The following ZFP64 variants were observed in gnomAD, a reference collection of about 807,000 sequenced individuals.
ZFP64 encodes the protein ZFP64 zinc finger protein, also known as zinc finger protein 64.
A neutral mutation model predicts 51.6 loss-of-function variants in ZFP64; 14 were observed. The ratio of observed to expected loss-of-function variants is 0.27; its 90% CI spans 0.18 to 0.42. The LOEUF (loss-of-function observed/expected upper bound fraction) is 0.42, where lower values mean the gene tolerates loss of function less well. Ranked by LOEUF, ZFP64 falls within the 10% of genes least tolerant of loss-of-function variation. The pLI is 1.00. For missense variants in ZFP64, 754 were observed against 906.8 expected (o/e 0.83, Z 2.16); for synonymous variants, 375 against 361.4 (o/e 1.04, Z -0.43).
At chr20:52,166,362 C>T (rs775913812) in intron 2 of ZFP64, among the ~76,000 whole-genome samples, 2 of 152,118 alleles carry the variant, frequency 1.3e-5, no homozygotes, top group Non-Finnish European at 2.9e-5. Flanking sequence ...TGATGTGATG[C>T]CTGGATCTGT....
chr20:52,098,543 T>G (rs761967436), exon 6 of ZFP64: 23 of 1,613,944 alleles, frequency 1.4e-5, no homozygotes, highest in Non-Finnish European at 1.9e-5. Flanking sequence ...GTGCTTTCAG[T>G]GGAGAGGCAG....
At chr20:52,162,084 G>A (rs957778328) in intron 4 of ZFP64, among the ~76,000 whole-genome samples, 3 of 151,808 alleles carry the variant, frequency 2.0e-5, no homozygotes, top group African/African-American at 7.3e-5. Context: ...GATCACTTGA[G>A]GTCAGGAGTT....
At chr20:52,091,013 G>A (rs2078920590) in intron 7 of ZFP64, among the ~76,000 whole-genome samples, 1 of 151,710 alleles carries the variant, frequency 6.6e-6, no homozygotes, top group Non-Finnish European at 1.5e-5. Context: ...GCTCAGGTGG[G>A]AGGATCACAT....
chr20:52,119,576 A>AACAC (rs138828393), intron 5 of ZFP64, among the ~76,000 whole-genome samples: 150 of 132,558 alleles, frequency 1.1e-3, no homozygotes, highest in African/African-American at 3.7e-3. Context: ...ATACACACAC[A>AACAC]ACACACACAC....
rs901189782 is a variant in ZFP64, at chr20:52,152,544, C to A, written c.1648G>T (p.Ala550Ser). The part of the protein sequence containing the change: ...LQILRQVSLI[A>S]PPQSSRCPSE... ...GGACACCGCGAGGACTGAGGGGGGG[C>A]GATCAGACTGACCTGGCGCAGGATC... Residue 550 changes from alanine (A) to serine (S), a missense_variant, in exon 6 of 6, where the codon GCC (alanine) becomes TCC (serine). Physicochemically the swap from Ala to Ser is moderately conservative, Grantham distance 99 (BLOSUM62 1). Coordinates refer to ENST00000216923, the MANE Select transcript of ZFP64 (RefSeq NM_018197.3). The A allele has an allele frequency of 6.3e-7, 1 of 1,582,814 alleles. No individual in the cohort carries two copies. Among genetic ancestry groups the A allele is most frequent in the Admixed American group, 1.7e-5 (1 of 58,688 alleles).
downstream of ZFP64, among the ~76,000 whole-genome samples, chr20:52,148,679 C>T (rs1028945171): frequency 6.8e-5 from 10 of 146,552 alleles, no homozygotes; most frequent in Non-Finnish European, 1.3e-4. Flanking sequence ...CCAGGCTGGG[C>T]GACAGCCAGA....
downstream of ZFP64, among the ~76,000 whole-genome samples, chr20:52,147,958 C>T (rs180718469): frequency 3.9e-5 from 6 of 152,066 alleles, no homozygotes; most frequent in Middle Eastern, 3.4e-3. Flanking sequence ...GAGGTGGAGG[C>T]TGCAGTGAGC....
chr20:52,145,379 G>A (rs768662819), intron 5 of ZFP64, among the ~76,000 whole-genome samples: 7 of 152,204 alleles, frequency 4.6e-5, no homozygotes, highest in Non-Finnish European at 7.3e-5. Context: ...TAGCCCAGGC[G>A]TGGTGGCTCA....
chr20:52,141,897 C>T (rs925949726), intron 5 of ZFP64, among the ~76,000 whole-genome samples: 1 of 152,080 alleles, frequency 6.6e-6, no homozygotes, highest in African/African-American at 2.4e-5. Flanking sequence ...TCTTTTGCAG[C>T]AACACAGATG....
At chr20:52,134,639 G>A (rs1979883530) in intron 5 of ZFP64, among the ~76,000 whole-genome samples, 1 of 152,112 alleles carries the variant, frequency 6.6e-6, no homozygotes, top group African/African-American at 2.4e-5. Context: ...CAGTGACTTG[G>A]AACGTTCCAG....
At chr20:52,172,324 T>C (rs1224941684) in intron 2 of ZFP64, among the ~76,000 whole-genome samples, 1 of 149,904 alleles carries the variant, frequency 6.7e-6, no homozygotes, top group Admixed American at 6.8e-5. Flanking sequence ...TCTTCAGTTC[T>C]TTTGTCGGTA....
chr20:52,186,524 T>TA (rs1983975488), intron 2 of ZFP64, among the ~76,000 whole-genome samples: 1 of 151,326 alleles, frequency 6.6e-6, no homozygotes, highest in African/African-American at 2.4e-5. Context: ...CTTTTTTTTT[T>TA]ATTGCAACGT....
intron 7 of ZFP64, among the ~76,000 whole-genome samples, chr20:52,094,374 C>T (rs997033902): frequency 2.0e-5 from 3 of 152,192 alleles, no homozygotes; most frequent in Admixed American, 2.0e-4. Context: ...ATACCAATGC[C>T]AAATGAAGAA....
intron 5 of ZFP64, chr20:52,098,732 G>A (rs770267348): frequency 6.9e-5 from 74 of 1,067,850 alleles, no homozygotes; most frequent in Non-Finnish European, 9.1e-5. Flanking sequence ...GACCAGGCGG[G>A]GTGGCTCATG....
intron 5 of ZFP64, among the ~76,000 whole-genome samples, chr20:52,137,994 G>A (rs561649340): frequency 6.6e-6 from 1 of 150,614 alleles, no homozygotes; most frequent in Non-Finnish European, 1.5e-5. Flanking sequence ...TGGGAAACAC[G>A]GAAAAACCCC....
In ZFP64 at chr20:52,084,828, G is replaced by A. The variant is rs758774464; in HGVS notation, c.1667C>T (p.Ala556Val). The A allele has an allele frequency of 5.0e-6, 8 of 1,613,936 alleles. No homozygotes were observed. In the African/African-American group the frequency reaches 9.3e-5, roughly 19 times the overall value. Residue 556 changes from alanine (A) to valine (V), a missense_variant, in exon 9 of 9, where the codon GCC becomes GTC. Coordinates refer to the ZFP64 transcript ENST00000361387. ...TCTGAGCCCTTCCTTGCCCAGAGGGGCCCGGTTCTCCGTCTTGGCCTCGTC... is the reference window on the plus strand; with the variant it reads ...TCTGAGCCCTTCCTTGCCCAGAGGGACCCGGTTCTCCGTCTTGGCCTCGTC...
chr20:52,096,156 G>C (rs998231097), intron 7 of ZFP64, among the ~76,000 whole-genome samples: 4 of 152,180 alleles, frequency 2.6e-5, no homozygotes, highest in African/African-American at 7.2e-5. Context: ...TCAGTGAAGG[G>C]GCTCCAGAGG....
chr20:52,113,643 T>C (rs996151105), intron 5 of ZFP64, among the ~76,000 whole-genome samples: 1 of 150,912 alleles, frequency 6.6e-6, no homozygotes, highest in Admixed American at 6.6e-5. Flanking sequence ...TTTACCATGT[T>C]GGCCAGGCTG....
intron 2 of ZFP64, chr20:52,175,911 C>T (rs1314208006): frequency 2.0e-6 from 2 of 980,016 alleles, no homozygotes; most frequent in Non-Finnish European, 2.4e-6. Context: ...AGAGAAAATC[C>T]ACCCCTTTCA....
Sources: gnomAD v4.1 joint callset for allele counts (sites outside exome capture counted in the v4.1 genomes callset) on GRCh38, gnomAD v4.1.1 for gene constraint, MANE v1.5 for transcripts, NCBI Gene and HGNC (gene_info 2026-07-23, HGNC 2026-07-21) for gene names.